ANO2: variants seen among roughly 807,000 people sequenced by gnomAD.
ANO2 encodes anoctamin 2.
Under a neutral mutation model 124.2 loss-of-function variants are expected in ANO2, and 101 were observed. That is an observed-to-expected ratio of 0.81 (90% CI 0.69 to 0.96). The LOEUF is 0.96. Among genes scored for constraint, ANO2 ranks in the 40% least tolerant of loss-of-function variants. The pLI, the probability that ANO2 is intolerant of heterozygous loss-of-function variation, is 0.00. For synonymous variants in ANO2, 486 were observed against 482.5 expected (o/e 1.01, Z -0.09); for missense variants, 1,293 against 1,274.5 (o/e 1.01, Z -0.22).
chr12:5,688,670 T>C (rs968472024), intron 14 of ANO2, among the ~76,000 whole-genome samples: 2 of 152,150 alleles, frequency 1.3e-5, no homozygotes, highest in Non-Finnish European at 2.9e-5. Flanking sequence ...TAATCCAAAT[T>C]TGCCTATTAC....
intron 4 of ANO2, among the ~76,000 whole-genome samples, chr12:5,845,098 C>T (rs887393995): frequency 4.6e-5 from 7 of 151,810 alleles, no homozygotes; most frequent in South Asian, 2.1e-4. Context: ...ATGGGGGAAA[C>T]CCCGTCTCTA....
chr12:5,673,149 CT>C (rs989473581), intron 14 of ANO2, among the ~76,000 whole-genome samples: 20 of 152,192 alleles, frequency 1.3e-4, no homozygotes, highest in Admixed American at 2.6e-4. Flanking sequence ...TTCTTATTTT[CT>C]CCCTTTTTTA....
rs57038931 is a variant in ANO2 at position 5,873,196 on chromosome 12, G to GCTCTCTCTCTCT, written c.535-19067_535-19056dup. Among the ~76,000 whole-genome samples, 721 of 118,920 alleles carry GCTCTCTCTCTCT rather than the reference G, an allele frequency of 6.1e-3. 28 individuals carry two copies. The highest frequency in any genetic ancestry group is 9.4e-3 in the East Asian group (37 of 3,952). The allele number at this position is 118,920 out of a possible 152,430, so 78.0% of individuals were successfully genotyped here. A position where few individuals can be genotyped will look rare whatever the true frequency, so the allele number is the denominator to read the frequency against. ...AACTTTGTTACTTTTGCCTAAAGCAGCTCTCTCTCTCTCTCTCTCTCTCTC... is the reference window on the plus strand; with the variant it reads ...AACTTTGTTACTTTTGCCTAAAGCAGCTCTCTCTCTCTCTCTCTCTCTCTCTCTCTCTCTCTC... On this transcript the variant is annotated intron_variant, in intron 3 of 24. Transcript: ENST00000682330.
intron 12 of ANO2, 80 bp from the exon 13 acceptor site, chr12:5,739,479 G>A: frequency 8.4e-7 from 1 of 1,189,924 alleles, no homozygotes; most frequent in East Asian, 2.6e-5. Context: ...ACCAGTGGAG[G>A]TGGGGGATAA....
intron 14 of ANO2, among the ~76,000 whole-genome samples, chr12:5,722,591 A>C (rs1402152148): frequency 6.6e-6 from 1 of 152,246 alleles, no homozygotes; most frequent in Non-Finnish European, 1.5e-5. Context: ...ACGGATGTCA[A>C]GCATTGCTGG....
Position 5,658,565 on chromosome 12 carries a change from A to G in ANO2, c.1546-10764T>C, listed in dbSNP as rs1166575676. Among the ~76,000 whole-genome samples the G allele has an allele frequency of 6.6e-6, 1 of 152,124 alleles. No individual in the cohort carries two copies. The highest frequency in any genetic ancestry group is 2.4e-5 in the African/African-American group (1 of 41,396). ...AAAATCAATATAATCACCAACATCA[A>G]TATTATCATTGTCATCAATATCATC... On this transcript the variant is annotated intron_variant, in intron 14 of 24. Transcript: ENST00000682330. The surrounding 1 kb of genome is among the most constrained non-coding windows in gnomAD (Gnocchi z 4.3).
Position 5,849,796 on chromosome 12 carries a change from C to A in ANO2, c.633+4247G>T, listed in dbSNP as rs76813243. Among the ~76,000 whole-genome samples, 1,157 of 152,234 alleles carry A rather than the reference C, an allele frequency of 7.6e-3. 11 individuals carry two copies. The highest frequency in any genetic ancestry group is 0.026 in the African/African-American group (1,087 of 41,544). On this transcript the variant is annotated intron_variant, in intron 4 of 24. Coordinates refer to ENST00000682330, the MANE Select transcript of ANO2 (RefSeq NM_001364791.2). ...CCTGGAGGATGCTTAACTGATCCCGCGCCATGCCTCATTCTTCCTCCACGC... is the reference window on the plus strand; with the variant it reads ...CCTGGAGGATGCTTAACTGATCCCGAGCCATGCCTCATTCTTCCTCCACGC...
At chr12:5,630,912 G>A (rs544422685) in intron 16 of ANO2, among the ~76,000 whole-genome samples, 1 of 152,284 alleles carries the variant, frequency 6.6e-6, no homozygotes, top group South Asian at 2.1e-4. Context: ...GAGCAGATGG[G>A]ATGAATGATG....
In ANO2 at chr12:5,862,942, CA is replaced by C. The variant is rs1317717130; in HGVS notation, c.535-8802del. On this transcript the variant is annotated intron_variant, in intron 3 of 24. Transcript: ENST00000682330. The surrounding 1 kb of genome is among the most constrained non-coding windows in gnomAD (Gnocchi z 4.0). ...AGTAGCTGGGATTACAGGCACCCAC[CA>C]CCACACCCAGCTAATTTTTTGTATT... Among the ~76,000 whole-genome samples the C allele has an allele frequency of 1.1e-4, 17 of 152,214 alleles. No individual in the cohort carries two copies. In the East Asian group the frequency reaches 2.1e-3, roughly 19 times the overall value.
intron 3 of ANO2, among the ~76,000 whole-genome samples, chr12:5,917,129 A>C (rs909868516): frequency 1.3e-5 from 2 of 152,148 alleles, no homozygotes; most frequent in African/African-American, 4.8e-5. Flanking sequence ...CCAGGACCCC[A>C]GTCTAACACT....
intron 14 of ANO2, among the ~76,000 whole-genome samples, chr12:5,667,544 T>C (rs1239685504): frequency 2.6e-5 from 4 of 151,914 alleles, no homozygotes; most frequent in Non-Finnish European, 5.9e-5. Context: ...TTTTAAAAAA[T>C]GTTTATTTTT....
chr12:5,912,815 A>T (rs1411359721), intron 3 of ANO2, among the ~76,000 whole-genome samples: 1 of 152,216 alleles, frequency 6.6e-6, no homozygotes, highest in African/African-American at 2.4e-5. Flanking sequence ...GAGGGAAATC[A>T]TCGCATCTTC....
chr12:5,682,108 T>C (rs968621383), intron 14 of ANO2, among the ~76,000 whole-genome samples: 1 of 152,262 alleles, frequency 6.6e-6, no homozygotes, highest in African/African-American at 2.4e-5. Context: ...TCAGTGGCTC[T>C]TGAATTCTTT....
chr12:5,726,558 C>A (rs2137059140), intron 14 of ANO2, among the ~76,000 whole-genome samples: 1 of 152,306 alleles, frequency 6.6e-6, no homozygotes, highest in African/African-American at 2.4e-5. Flanking sequence ...CATGTATTAT[C>A]ATTGATCAAC....
intron 9 of ANO2, among the ~76,000 whole-genome samples, chr12:5,804,157 A>C (rs1953124121): frequency 1.3e-5 from 2 of 152,222 alleles, no homozygotes; most frequent in Admixed American, 6.5e-5. Context: ...TGACAGTTAT[A>C]ATATAATGAA....
chr12:5,860,757 G>A (rs1021085870), intron 3 of ANO2, among the ~76,000 whole-genome samples: 2 of 152,130 alleles, frequency 1.3e-5, no homozygotes, highest in African/African-American at 4.8e-5. Flanking sequence ...AGCCCCAGAT[G>A]CTCACCACAT....
In ANO2 at chr12:5,635,641, C is replaced by T. The variant is rs932069020; in HGVS notation, c.1621-294G>A. Among the ~76,000 whole-genome samples the T allele has an allele frequency of 8.4e-5, 12 of 143,142 alleles. No homozygotes were observed. Among genetic ancestry groups the T allele is most frequent in the Non-Finnish European group, 1.5e-4 (10 of 66,886 alleles). 93.9% of individuals were successfully genotyped at this position (143,142 alleles called of 152,430 possible). ...CACACACACACACAATAAGGATGAA[C>T]ATGCTGGACCCTGTGGAGTGTTCAA... is the stretch of plus-strand genomic sequence containing the variant. On this transcript the variant is annotated intron_variant, in intron 15 of 24. Transcript: ENST00000682330. The surrounding 1 kb of genome is among the most constrained non-coding windows in gnomAD (Gnocchi z 5.2).
intron 20 of ANO2, chr12:5,584,138 C>A (rs567345396): frequency 1.8e-4 from 29 of 165,098 alleles, no homozygotes; most frequent in East Asian, 1.9e-4. Context: ...AACACCCCCC[C>A]CCCGCCGCAA....
chr12:5,696,768 C>A (rs1268296910), intron 14 of ANO2, among the ~76,000 whole-genome samples: 1 of 152,144 alleles, frequency 6.6e-6, no homozygotes, highest in East Asian at 1.9e-4. Context: ...AAAATAAGTA[C>A]ATAACGACCA....
Sources: allele counts gnomAD v4.1 joint callset (sites outside exome capture counted in the v4.1 genomes callset), GRCh38; gene constraint gnomAD v4.1.1; non-coding constraint Gnocchi (gnomAD v3.1); transcripts MANE v1.5; gene names NCBI Gene and HGNC (gene_info 2026-07-23, HGNC 2026-07-21).